Variants in ADGRA2 observed in about 807,000 individuals in gnomAD.
ADGRA2 encodes adhesion G protein-coupled receptor A2.
A neutral mutation model predicts 98.7 loss-of-function variants in ADGRA2; 61 were observed. The observed-to-expected ratio is 0.62, with a 90% CI of 0.50 to 0.76. The LOEUF (loss-of-function observed/expected upper bound fraction) is 0.76. Ranked by LOEUF, ADGRA2 falls within the 30% of genes least tolerant of loss-of-function variation. ADGRA2 has a pLI of 0.00. For synonymous variants in ADGRA2, 858 were observed against 831.5 expected, an observed-to-expected ratio of 1.03 and a Z score of -0.55; for missense variants, 1,712 against 1,860.0, an observed-to-expected ratio of 0.92 and a Z score of 1.46.
At position 37,833,844 on chromosome 8, in the gene ADGRA2, C is replaced by A; in HGVS notation, c.1446+7C>A. ...TGTCGACCAGATCAAAGAGGTGAGA[C>A]TCAGCTGGAACTCAGGAGCTCGGAA... On this transcript the variant is annotated splice_region_variant and intron_variant, in intron 10 of 18. Transcript: ENST00000412232. 1.2e-6 allele frequency: 2 copies of A among 1,613,860 alleles called. No individual in the cohort carries two copies. The highest frequency in any genetic ancestry group is 1.7e-6 in the Non-Finnish European group (2 of 1,179,724).
chr8:37,823,503 T>C (rs962636117), intron 2 of ADGRA2, among the ~76,000 whole-genome samples: 7 of 152,128 alleles, frequency 4.6e-5, no homozygotes, highest in Non-Finnish European at 1.0e-4. Flanking sequence ...ACGTGGCCAG[T>C]TTCTACTTTT....
Position 37,841,897 on chromosome 8 carries a change from G to T in ADGRA2, c.3559G>T (p.Ala1187Ser). 6.5e-7 allele frequency: 1 copy of T among 1,533,520 alleles called. No individual in the cohort carries two copies. The highest frequency in any genetic ancestry group is 8.7e-7 in the Non-Finnish European group (1 of 1,146,562). 95.0% of individuals were successfully genotyped at this position (1,533,520 alleles called of 1,614,324 possible). The change falls in exon 19 of 19, where the codon GCC becomes TCC. Residue 1187 changes from alanine to serine, a missense_variant. By Grantham distance (99) the Ala-to-Ser change is moderately conservative (BLOSUM62 1). Transcript: ENST00000412232. This position sits in a 1 kb window ranked among gnomAD's most constrained non-coding sequence, Gnocchi z 5.0. ...CGGGCGTCGGGCGCACAAGAGCCGG[G>T]CCAAGGGACACCGCGCGGGGGAGGC... ...HHGRRAHKSR[A>S]KGHRAGEACG...
chr8:37,820,066 G>A lies in ADGRA2; in HGVS notation c.338+5099G>A, dbSNP rs537393618. Among the ~76,000 whole-genome samples, 145 of 152,304 alleles carry A rather than the reference G, an allele frequency of 9.5e-4. 1 individual carries two copies. Among genetic ancestry groups the A allele is most frequent in the Non-Finnish European group, 1.5e-3 (103 of 68,024 alleles). On this transcript the variant is annotated intron_variant, in intron 2 of 18. Coordinates refer to ENST00000412232, the MANE Select transcript of ADGRA2 (RefSeq NM_032777.10). ...GCCAGCAGTCTGAGAAGTCAGACAG[G>A]AGCAGACGCTGCAGTCTTGGGGCAG... is the stretch of plus-strand genomic sequence containing the variant.
Position 37,840,140 on chromosome 8 carries a change from A to C in ADGRA2, c.2531A>C (p.Tyr844Ser). 1 of 1,605,430 alleles carries C rather than the reference A, an allele frequency of 6.2e-7. No homozygotes were observed. The change falls in exon 17 of 19, where the codon TAC (tyrosine) becomes TCC (serine). Residue 844 changes from tyrosine to serine, a missense_variant. Tyr to Ser is a moderately radical substitution (Grantham distance 144). Coordinates refer to ENST00000412232, the MANE Select transcript of ADGRA2 (RefSeq NM_032777.10). ...CCGCAGGTGGGCATCACCCTGCACT[A>C]CTCCTCCCTATCCACGCTGCTCTGG... ...VCQAVGITLH[Y>S]SSLSTLLWMG... is the part of the protein sequence containing the mutation.
chr8:37,813,978 C>T (rs1280237614), intron 1 of ADGRA2, among the ~76,000 whole-genome samples: 4 of 152,240 alleles, frequency 2.6e-5, no homozygotes, highest in African/African-American at 9.6e-5. Flanking sequence ...GGCCTTCCCA[C>T]ATCAGTTCTC....
At position 37,841,761 on chromosome 8, in the gene ADGRA2, G is replaced by T. The variant is rs983938036; in HGVS notation, c.3423G>T (p.Leu1141=). The change falls in exon 19 of 19, where the codon CTG becomes CTT. Residue 1141 remains leucine (L), a synonymous_variant. Transcript: ENST00000412232. The surrounding 1 kb of genome is among the most constrained non-coding windows in gnomAD (Gnocchi z 5.0). ...CCTGCAAGCTCACCAACCTGCAGCT[G>T]GCCCAGAGTCAGGTGTGCGAGGCGG... ...LGPCKLTNLQ[L]AQSQVCEAGA... 7 of 1,539,736 alleles carry T rather than the reference G, an allele frequency of 4.5e-6. No homozygotes were observed. In the African/African-American group the frequency reaches 6.9e-5, roughly 15 times the overall value.
At chr8:37,825,321 G>A (rs1175194373) in intron 2 of ADGRA2, among the ~76,000 whole-genome samples, 1 of 151,858 alleles carries the variant, frequency 6.6e-6, no homozygotes, top group African/African-American at 2.4e-5. Flanking sequence ...TCAGCTCACT[G>A]CAACCTCCAC....
rs200522621 is a variant in ADGRA2 at position 37,835,280 on chromosome 8, G to T, written c.1715G>T (p.Arg572Leu). The T allele has an allele frequency of 2.5e-6, 4 of 1,613,774 alleles. No individual in the cohort carries two copies. Among genetic ancestry groups the T allele is most frequent in the South Asian group, 1.1e-5 (1 of 91,070 alleles). Residue 572 changes from arginine (R) to leucine (L), a missense_variant, in exon 12 of 19, where the codon CGG becomes CTG. Arg to Leu is a moderately radical substitution (Grantham distance 102). Transcript: ENST00000412232. ...AGGGAGGGAGGGGTGCCGGGCACAC[G>T]GCCAGGAAGCCCTGGCCAGAACCCC... ...QRREGGVPGT[R>L]PGSPGQNPPP...
chr8:37,822,393 A>ACACACACACG (rs1554524322), intron 2 of ADGRA2, among the ~76,000 whole-genome samples: 6 of 129,376 alleles, frequency 4.6e-5, no homozygotes, highest in African/African-American at 1.8e-4. Flanking sequence ...GTACACACAC[A>ACACACACACG]CACACACACA....
At chr8:37,836,097 A>ACCCCCCCC (rs1554526532) in intron 13 of ADGRA2, among the ~76,000 whole-genome samples, 1 of 108,636 alleles carries the variant, frequency 9.2e-6, no homozygotes, top group African/African-American at 3.7e-5. Flanking sequence ...ACACACACAC[A>ACCCCCCCC]CCCCACAGGC....
chr8:37,809,710 T>C (rs898535506), intron 1 of ADGRA2, among the ~76,000 whole-genome samples: 13 of 152,104 alleles, frequency 8.5e-5, no homozygotes, highest in South Asian at 6.2e-4. Context: ...AGGGCTGGAG[T>C]TGGTGCTGGG....
intron 1 of ADGRA2, among the ~76,000 whole-genome samples, chr8:37,804,152 C>T (rs1034801980): frequency 1.3e-5 from 2 of 149,828 alleles, no homozygotes; most frequent in African/African-American, 5.0e-5. Flanking sequence ...CACACACACA[C>T]GGCTCTTAGC....
chr8:37,801,041 G>T (rs1804487003), intron 1 of ADGRA2, among the ~76,000 whole-genome samples: 1 of 152,020 alleles, frequency 6.6e-6, no homozygotes, highest in East Asian at 1.9e-4. Flanking sequence ...ATGAAGGTGG[G>T]GTCCCTGTCT....
intron 2 of ADGRA2, among the ~76,000 whole-genome samples, chr8:37,824,987 C>T (rs958384944): frequency 2.0e-5 from 3 of 152,186 alleles, no homozygotes; most frequent in Admixed American, 6.5e-5. Flanking sequence ...CGGCATAGGG[C>T]ATGATTTGCT....
intron 7 of ADGRA2, 85 bp downstream of exon 7, chr8:37,831,008 C>G: frequency 5.2e-6 from 5 of 968,138 alleles, no homozygotes; most frequent in Non-Finnish European, 7.8e-6. Flanking sequence ...AAAGAGCTGC[C>G]CCCAGATGTG....
rs3050620 is a variant in ADGRA2 at position 37,816,927 on chromosome 8, AACACACACAC to A, written c.338+2000_338+2009del. ...CAAGACTGTCTCAAAAAGAAAGCAA[AACACACACAC>A]ACACACACACACACACACACACACA... On this transcript the variant is annotated intron_variant, in intron 2 of 18. Coordinates refer to ENST00000412232, the MANE Select transcript of ADGRA2 (RefSeq NM_032777.10). Among the ~76,000 whole-genome samples the A allele has an allele frequency of 3.0e-3, 400 of 131,996 alleles. 2 individuals carry two copies. The highest frequency in any genetic ancestry group is 8.1e-3 in the African/African-American group (284 of 35,234). The allele number at this position is 131,996 out of a possible 152,430, so 86.6% of individuals were successfully genotyped here. A position where few individuals can be genotyped will look rare whatever the true frequency, so the allele number is the denominator to read the frequency against.
chr8:37,829,068 C>T, intron 3 of ADGRA2, 109 bp downstream of exon 3: 1 of 845,128 alleles, frequency 1.2e-6, no homozygotes, highest in Non-Finnish European at 1.8e-6. Context: ...ACCTGCCCCT[C>T]CTTTCCGCTT....
intron 2 of ADGRA2, among the ~76,000 whole-genome samples, chr8:37,819,450 C>T (rs1384489541): frequency 1.3e-5 from 2 of 152,226 alleles, no homozygotes; most frequent in Non-Finnish European, 2.9e-5. Flanking sequence ...CCAGTGCAAC[C>T]TCTGCCTCCT....
intron 15 of ADGRA2, 138 bp downstream of exon 15, chr8:37,839,221 A>G: frequency 7.7e-7 from 1 of 1,298,402 alleles, no homozygotes; most frequent in Non-Finnish European, 1.1e-6. Flanking sequence ...AGGCAGGTGT[A>G]GGAAACCTCC....
Sources: allele counts gnomAD v4.1 joint callset (sites outside exome capture counted in the v4.1 genomes callset), GRCh38; gene constraint gnomAD v4.1.1; non-coding constraint Gnocchi (gnomAD v3.1); transcripts MANE v1.5; gene names NCBI Gene and HGNC (gene_info 2026-07-23, HGNC 2026-07-21).